Variants in KIFAP3 observed in about 807,000 individuals in gnomAD.
KIFAP3 encodes the protein kinesin associated protein 3, also known as kinesin-associated protein 3.
A neutral mutation model predicts 106.5 loss-of-function variants in KIFAP3; 68 were observed. That is an observed-to-expected ratio of 0.64 (90% CI 0.53 to 0.78). The LOEUF (loss-of-function observed/expected upper bound fraction) is 0.78. Ranked by LOEUF, KIFAP3 falls within the 30% of genes least tolerant of loss-of-function variation. The pLI, the probability that KIFAP3 is intolerant of heterozygous loss-of-function variation, is 0.00. For missense variants in KIFAP3, 780 were observed against 941.8 expected, an observed-to-expected ratio of 0.83 and a Z score of 2.25; for synonymous variants, 320 against 311.5, an observed-to-expected ratio of 1.03 and a Z score of -0.29.
At chr1:170,011,383 T>A (rs1032835931) in intron 10 of KIFAP3, among the ~76,000 whole-genome samples, 4 of 151,782 alleles carry the variant, frequency 2.6e-5, no homozygotes, top group African/African-American at 7.2e-5. Flanking sequence ...ATAACTAGCA[T>A]AAAAAAGGGA....
intron 10 of KIFAP3, among the ~76,000 whole-genome samples, chr1:170,004,326 T>G (rs1340141321): frequency 6.6e-6 from 1 of 152,154 alleles, no homozygotes; most frequent in South Asian, 2.1e-4. Flanking sequence ...AAGCTACCAA[T>G]GACTTTCTTC....
chr1:170,030,315 C>T (rs1372186354), intron 8 of KIFAP3, among the ~76,000 whole-genome samples: 1 of 151,816 alleles, frequency 6.6e-6, no homozygotes, highest in African/African-American at 2.4e-5. Context: ...ATAAGCACAT[C>T]AGGAGATGCT....
chr1:170,019,941 T>C (rs903462561), intron 9 of KIFAP3, among the ~76,000 whole-genome samples: 1 of 152,166 alleles, frequency 6.6e-6, no homozygotes, highest in Admixed American at 6.5e-5. Context: ...ATCTCCAAAA[T>C]CTGTGAGAGA....
intron 2 of KIFAP3, among the ~76,000 whole-genome samples, chr1:170,048,129 A>G (rs12124384): frequency 0.063 from 9,654 of 152,202 alleles, 390 homozygotes; most frequent in Non-Finnish European, 0.095. Context: ...AATGACTTAG[A>G]TATTATTCCC....
At chr1:170,030,778 G>C (rs2102040633) in intron 8 of KIFAP3, among the ~76,000 whole-genome samples, 1 of 151,900 alleles carries the variant, frequency 6.6e-6, no homozygotes, top group East Asian at 1.9e-4. Flanking sequence ...GATGACTTGG[G>C]AATGAGGAAG....
chr1:169,959,277 G>T (rs967927412), intron 18 of KIFAP3, among the ~76,000 whole-genome samples: 9 of 152,086 alleles, frequency 5.9e-5, no homozygotes, highest in African/African-American at 2.2e-4. Context: ...GACACATCAA[G>T]AAATGCTACA....
chr1:170,075,084 T>G (rs747283122), upstream of KIFAP3, among the ~76,000 whole-genome samples: 1 of 152,190 alleles, frequency 6.6e-6, no homozygotes, highest in Non-Finnish European at 1.5e-5. Context: ...GTCTGTCACT[T>G]TGATGTCTTA....
At chr1:169,987,638 C>A (rs1666896371) in intron 11 of KIFAP3, among the ~76,000 whole-genome samples, 1 of 152,008 alleles carries the variant, frequency 6.6e-6, no homozygotes, top group South Asian at 2.1e-4. Context: ...GGACGTTTAC[C>A]AGCATTCAGC....
chr1:170,046,791 G>C lies in KIFAP3; in HGVS notation c.240C>G (p.Leu80=), dbSNP rs748748038. ...CCTCATTTAGTTTTGAAGGATGAAT[G>C]AGTTTACATTCTTCAACCACCTTCC... ...LARKVVEECK[L]IHPSKLNEVE... is the part of the protein sequence containing the mutation. Residue 80 remains leucine, a synonymous_variant, in exon 3 of 20, where the codon CTC becomes CTG. Transcript: ENST00000361580. The C allele has an allele frequency of 5.7e-5, 92 of 1,610,210 alleles. No homozygotes were observed. The highest frequency in any genetic ancestry group is 7.7e-5 in the Non-Finnish European group (91 of 1,177,668).
intron 9 of KIFAP3, among the ~76,000 whole-genome samples, chr1:170,016,908 A>G (rs1193351625): frequency 6.6e-6 from 1 of 152,166 alleles, no homozygotes; most frequent in African/African-American, 2.4e-5. Context: ...CCACCTACTA[A>G]GTACCAGGCC....
chr1:170,040,524 T>C (rs1300211056), intron 3 of KIFAP3, among the ~76,000 whole-genome samples: 1 of 152,146 alleles, frequency 6.6e-6, no homozygotes, highest in African/African-American at 2.4e-5. Context: ...TTTTTACTAG[T>C]TCAAAGATAT....
intron 6 of KIFAP3, among the ~76,000 whole-genome samples, 199 bp from the exon 7 acceptor site, chr1:170,034,695 A>G (rs1052065397): frequency 2.3e-4 from 35 of 151,878 alleles, no homozygotes; most frequent in Admixed American, 9.2e-4. Context: ...ACTCTTACCT[A>G]AAATAGTTAT....
chr1:169,948,166 C>G (rs1664540011), intron 19 of KIFAP3, among the ~76,000 whole-genome samples: 1 of 151,630 alleles, frequency 6.6e-6, no homozygotes, highest in South Asian at 2.1e-4. Context: ...TTCTTTATTA[C>G]CAAATGCCTT....
chr1:169,931,655 G>A (rs1442194779), intron 19 of KIFAP3, among the ~76,000 whole-genome samples: 2 of 152,182 alleles, frequency 1.3e-5, no homozygotes, highest in Non-Finnish European at 2.9e-5. Context: ...AATAAACTGA[G>A]TCATTAGCAC....
intron 3 of KIFAP3, among the ~76,000 whole-genome samples, chr1:170,039,984 G>A (rs954634815): frequency 3.3e-5 from 5 of 152,042 alleles, no homozygotes; most frequent in Non-Finnish European, 2.9e-5. Flanking sequence ...TGGATCATAA[G>A]TCTAAGTAAT....
intron 19 of KIFAP3, among the ~76,000 whole-genome samples, chr1:169,933,376 C>A (rs1663599559): frequency 6.6e-6 from 1 of 151,896 alleles, no homozygotes; most frequent in South Asian, 2.1e-4. Flanking sequence ...TAAAGTAAAT[C>A]TCTACTATTA....
At chr1:170,069,834 G>GAA (rs71125226) in intron 1 of KIFAP3, among the ~76,000 whole-genome samples, 107 of 150,310 alleles carry the variant, frequency 7.1e-4, no homozygotes, top group African/African-American at 2.0e-3. Context: ...TGAGGCATGG[G>GAA]AAAAAAAAAT....
rs60580320 is a variant in KIFAP3, at chr1:170,046,210, C to CAAAA, written c.319+498_319+501dup. ...CCAGATTAAACCTTTTTCTCTGCTGCAAAAAAAAAAAAAAAAAAAGGAAAC... is the reference window on the plus strand; with the variant it reads ...CCAGATTAAACCTTTTTCTCTGCTGCAAAAAAAAAAAAAAAAAAAAAAAGGAAAC... On this transcript the variant is annotated intron_variant, in intron 3 of 19. Coordinates refer to ENST00000361580, the MANE Select transcript of KIFAP3 (RefSeq NM_014970.4). 1.1e-3 allele frequency among the ~76,000 whole-genome samples: 65 copies of CAAAA among 56,926 alleles called. 2 individuals are homozygous for CAAAA. The highest frequency in any genetic ancestry group is 4.6e-3 in the Admixed American group (17 of 3,722). 37.3% of individuals were successfully genotyped at this position (56,926 alleles called of 152,430 possible).
At chr1:169,960,785 T>C (rs1665282963) in intron 18 of KIFAP3, among the ~76,000 whole-genome samples, 1 of 152,154 alleles carries the variant, frequency 6.6e-6, no homozygotes, top group Non-Finnish European at 1.5e-5. Flanking sequence ...TTACACATTC[T>C]AGCAATTAAT....
Sources: gnomAD v4.1 joint callset for allele counts (sites outside exome capture counted in the v4.1 genomes callset) on GRCh38, gnomAD v4.1.1 for gene constraint, MANE v1.5 for transcripts, NCBI Gene and HGNC (gene_info 2026-07-23, HGNC 2026-07-21) for gene names.